Variants in RASAL2 observed in about 807,000 individuals in gnomAD.
RASAL2 encodes the protein ras GTPase-activating protein nGAP.
Under a neutral mutation model 128.9 loss-of-function variants are expected in RASAL2, and 58 were observed. The observed-to-expected ratio is 0.45, with a 90% CI of 0.36 to 0.56. The LOEUF is 0.56. Among genes scored for constraint, RASAL2 ranks in the 20% least tolerant of loss-of-function variants. RASAL2 has a pLI of 0.00. For synonymous variants in RASAL2, 561 were observed against 580.8 expected (o/e 0.97, Z 0.49); for missense variants, 1,360 against 1,601.6 (o/e 0.85, Z 2.57).
intron 1 of RASAL2, among the ~76,000 whole-genome samples, chr1:178,165,162 A>G (rs1661477799): frequency 6.6e-6 from 1 of 152,018 alleles, no homozygotes; most frequent in Admixed American, 6.6e-5. Flanking sequence ...CACAGATATC[A>G]AAGTAAAACT....
chr1:178,418,187 A>G (rs776299596), intron 4 of RASAL2, among the ~76,000 whole-genome samples: 3 of 152,146 alleles, frequency 2.0e-5, no homozygotes, highest in South Asian at 2.1e-4. Flanking sequence ...GACTCACCCA[A>G]AACTTAACTA....
intron 3 of RASAL2, among the ~76,000 whole-genome samples, chr1:178,346,023 C>T (rs1457168840): frequency 3.3e-5 from 5 of 152,164 alleles, no homozygotes; most frequent in Admixed American, 3.3e-4. Context: ...AGAGGAATTG[C>T]ATCACACAGT....
At chr1:178,179,546 A>G (rs1454906120) in intron 1 of RASAL2, among the ~76,000 whole-genome samples, 3 of 152,184 alleles carry the variant, frequency 2.0e-5, no homozygotes, top group Non-Finnish European at 2.9e-5. Flanking sequence ...TGAGGGAGGA[A>G]GAAAGGAGCT....
At chr1:178,216,641 AGTTT>A (rs560876308) in intron 1 of RASAL2, among the ~76,000 whole-genome samples, 173 of 152,206 alleles carry the variant, frequency 1.1e-3, no homozygotes, top group African/African-American at 3.4e-3. Context: ...ATTGGTTATC[AGTTT>A]GTTTGTGTGT....
At chr1:178,358,294 C>G (rs1409546840) in intron 3 of RASAL2, among the ~76,000 whole-genome samples, 1 of 119,890 alleles carries the variant, frequency 8.3e-6, no homozygotes, top group Non-Finnish European at 1.8e-5. Flanking sequence ...GAAGTATTGA[C>G]TATAAAAGAC....
At chr1:178,394,503 T>A (rs1383031637) in intron 4 of RASAL2, among the ~76,000 whole-genome samples, 3 of 152,234 alleles carry the variant, frequency 2.0e-5, no homozygotes, top group African/African-American at 4.8e-5. Flanking sequence ...CTATTGATAT[T>A]TATGATTTGT....
intron 1 of RASAL2, among the ~76,000 whole-genome samples, chr1:178,137,534 CT>C (rs960617424): frequency 6.6e-6 from 1 of 152,156 alleles, no homozygotes; most frequent in Non-Finnish European, 1.5e-5. Context: ...ATCCCAGCTG[CT>C]TTTTTTCTGT....
chr1:178,227,232 G>A (rs1663825547), intron 1 of RASAL2, among the ~76,000 whole-genome samples: 1 of 150,778 alleles, frequency 6.6e-6, no homozygotes, highest in Non-Finnish European at 1.5e-5. Flanking sequence ...TTGTATTTAT[G>A]TGTTTCTTAG....
intron 1 of RASAL2, among the ~76,000 whole-genome samples, chr1:178,138,322 GATATC>G (rs1660403336): frequency 6.6e-6 from 1 of 152,122 alleles, no homozygotes; most frequent in South Asian, 2.1e-4. Context: ...TCATATGAAT[GATATC>G]ATATACTTTT....
intron 1 of RASAL2, among the ~76,000 whole-genome samples, chr1:178,246,633 T>C (rs1020618380): frequency 5.9e-5 from 9 of 152,250 alleles, no homozygotes; most frequent in African/African-American, 2.2e-4. Context: ...GAGGGCATCC[T>C]TGTCTTGTGC....
chr1:178,170,167 G>T (rs1477954780), intron 1 of RASAL2, among the ~76,000 whole-genome samples: 1 of 151,858 alleles, frequency 6.6e-6, no homozygotes, highest in Non-Finnish European at 1.5e-5. Flanking sequence ...TTTGAAAGTG[G>T]ATTCTTGACC....
At chr1:178,214,178 G>A (rs534654884) in intron 1 of RASAL2, among the ~76,000 whole-genome samples, 3 of 152,268 alleles carry the variant, frequency 2.0e-5, no homozygotes, top group Non-Finnish European at 2.9e-5. Flanking sequence ...GCTGAAGCAA[G>A]TGGATCACTT....
intron 1 of RASAL2, among the ~76,000 whole-genome samples, chr1:178,207,150 C>CAAA (rs11350533): frequency 8.3e-6 from 1 of 120,868 alleles, no homozygotes; most frequent in Non-Finnish European, 1.8e-5. Context: ...GACCTTGTCT[C>CAAA]AAAAAAAAAA....
rs1416994950 is a variant in RASAL2 at position 178,094,454 on chromosome 1, C to G, written c.-39C>G. 20 of 1,504,866 alleles carry G rather than the reference C, an allele frequency of 1.3e-5. No homozygotes were observed. The highest frequency in any genetic ancestry group is 2.8e-5 in the African/African-American group (2 of 71,800). The allele number at this position is 1,504,866 out of a possible 1,614,324, so 93.2% of individuals were successfully genotyped here. A position where few individuals can be genotyped will look rare whatever the true frequency, so the allele number is the denominator to read the frequency against. ...CGCGGAGCCGCGCGCCAGCCCGCCCCGAAGCCGCCGCCTCGTCCCCCTCCC... is the reference window on the plus strand; with the variant it reads ...CGCGGAGCCGCGCGCCAGCCCGCCCGGAAGCCGCCGCCTCGTCCCCCTCCC... On this transcript the variant is annotated 5_prime_UTR_variant, in exon 1 of 18. Coordinates refer to ENST00000367649, the MANE Select transcript of RASAL2 (RefSeq NM_170692.4).
At chr1:178,358,273 G>GAAAC (rs1230530653) in intron 3 of RASAL2, among the ~76,000 whole-genome samples, 2 of 134,524 alleles carry the variant, frequency 1.5e-5, no homozygotes, top group Non-Finnish European at 3.2e-5. Flanking sequence ...AAAAGGAAAG[G>GAAAC]AAACAAACAA....
chr1:178,321,827 A>G (rs913972379), intron 3 of RASAL2, among the ~76,000 whole-genome samples: 2 of 151,708 alleles, frequency 1.3e-5, no homozygotes, highest in Non-Finnish European at 2.9e-5. Context: ...CGTCTCTACT[A>G]AAAATACAAA....
Position 178,411,118 on chromosome 1 carries a change from G to A in RASAL2, c.565-9393G>A, listed in dbSNP as rs576275675. 1.7e-3 allele frequency among the ~76,000 whole-genome samples: 258 copies of A among 151,930 alleles called. 2 individuals are homozygous for A. The highest frequency in any genetic ancestry group is 6.0e-3 in the African/African-American group (250 of 41,422). The stretch of plus-strand genomic sequence containing the variant: ...GCAAAAGTGTGGAACCAGTCTAAAT[G>A]CCTATCAACTAATGAGTGAATAAAG... On this transcript the variant is annotated intron_variant, in intron 4 of 17. Coordinates refer to ENST00000367649, the MANE Select transcript of RASAL2 (RefSeq NM_170692.4).
intron 3 of RASAL2, among the ~76,000 whole-genome samples, chr1:178,321,487 T>C (rs1457952247): frequency 6.6e-6 from 1 of 152,090 alleles, no homozygotes; most frequent in East Asian, 1.9e-4. Context: ...GTTTCATAAC[T>C]TCATTATTTT....
chr1:178,152,910 A>G (rs1660962081), intron 1 of RASAL2, among the ~76,000 whole-genome samples: 1 of 152,202 alleles, frequency 6.6e-6, no homozygotes, highest in South Asian at 2.1e-4. Flanking sequence ...TCTCTAAAAG[A>G]TAATCTATAT....
Sources: allele counts gnomAD v4.1 joint callset (sites outside exome capture counted in the v4.1 genomes callset), GRCh38; gene constraint gnomAD v4.1.1; transcripts MANE v1.5; gene names NCBI Gene and HGNC (gene_info 2026-07-23, HGNC 2026-07-21).